The following BACH2 variants were observed in gnomAD, a reference collection of about 807,000 sequenced individuals.
BACH2 encodes the protein BACH transcriptional regulator 2, also known as transcription regulator protein BACH2.
A neutral mutation model predicts 61.8 loss-of-function variants in BACH2; 5 were observed. The observed-to-expected ratio is 0.08, with a 90% confidence interval of 0.04 to 0.17. BACH2 has a LOEUF of 0.17. Ranked by LOEUF, BACH2 falls within the 10% of genes least tolerant of loss-of-function variation. The pLI is 1.00. For missense variants in BACH2, 824 were observed against 1,091.1 expected (o/e 0.76, Z 3.45); for synonymous variants, 446 against 440.1 (o/e 1.01, Z -0.17).
rs183558229 is a variant in BACH2, at chr6:90,113,844, A to G, written c.-161-24735T>C. Among the ~76,000 whole-genome samples the G allele has an allele frequency of 1.4e-4, 21 of 152,278 alleles. No individual in the cohort carries two copies. In the East Asian group the frequency reaches 3.5e-3, roughly 25 times the overall value. ...TAGAAATGATGAAGAGAATGTTACT[A>G]CTGACCACACAGAAATAAAACAACC... On this transcript the variant is annotated intron_variant, in intron 4 of 8. Coordinates refer to ENST00000257749, the MANE Select transcript of BACH2 (RefSeq NM_021813.4).
intron 5 of BACH2, among the ~76,000 whole-genome samples, chr6:90,012,022 C>A (rs1777754229): frequency 6.7e-6 from 1 of 149,722 alleles, no homozygotes; most frequent in Non-Finnish European, 1.5e-5. Flanking sequence ...TCTCAAACTC[C>A]TGGCGTCAAG....
At chr6:90,262,088 G>T (rs930260874) in intron 2 of BACH2, among the ~76,000 whole-genome samples, 4 of 152,294 alleles carry the variant, frequency 2.6e-5, no homozygotes, top group East Asian at 3.9e-4. Flanking sequence ...ACTGACTACA[G>T]GATGAAGGCC....
intron 4 of BACH2, among the ~76,000 whole-genome samples, chr6:90,182,807 C>T (rs914830514): frequency 6.6e-6 from 1 of 152,196 alleles, no homozygotes; most frequent in Non-Finnish European, 1.5e-5. Flanking sequence ...AGCGGATCTT[C>T]ACTCTCGCCT....
intron 4 of BACH2, among the ~76,000 whole-genome samples, chr6:90,150,533 G>A (rs573452941): frequency 2.5e-4 from 38 of 152,242 alleles, no homozygotes; most frequent in Admixed American, 2.3e-3. Flanking sequence ...CATGGGATTC[G>A]ATGTGCTAGA....
At chr6:90,123,150 A>T (rs1279548498) in intron 4 of BACH2, among the ~76,000 whole-genome samples, 1 of 152,142 alleles carries the variant, frequency 6.6e-6, no homozygotes, top group Non-Finnish European at 1.5e-5. Context: ...GTAGGCCCTA[A>T]ATCCAAGGGG....
At chr6:90,137,936 T>C (rs762061983) in intron 4 of BACH2, among the ~76,000 whole-genome samples, 1 of 152,122 alleles carries the variant, frequency 6.6e-6, no homozygotes, top group Non-Finnish European at 1.5e-5. Flanking sequence ...GCAAGTGATT[T>C]CACCTCTTTG....
intron 3 of BACH2, among the ~76,000 whole-genome samples, chr6:90,237,300 T>G (rs533127075): frequency 6.6e-6 from 1 of 152,230 alleles, no homozygotes; most frequent in South Asian, 2.1e-4. Flanking sequence ...TCATCCCTCC[T>G]CAACAAACAA....
intron 3 of BACH2, among the ~76,000 whole-genome samples, chr6:90,212,218 T>C (rs1769378722): frequency 7.6e-6 from 1 of 131,156 alleles, no homozygotes; most frequent in South Asian, 2.6e-4. Context: ...GTCATTTTAT[T>C]ACAGAAAGCT....
intron 1 of BACH2, among the ~76,000 whole-genome samples, chr6:90,278,376 C>A (rs761937977): frequency 5.3e-5 from 8 of 152,264 alleles, no homozygotes; most frequent in Admixed American, 2.0e-4. Context: ...TCTGGTGGGA[C>A]ACCCTTCCAG....
intron 3 of BACH2, among the ~76,000 whole-genome samples, chr6:90,224,588 T>C (rs1229958292): frequency 6.6e-6 from 1 of 152,234 alleles, no homozygotes; most frequent in East Asian, 1.9e-4. Flanking sequence ...CTGGTGGTCC[T>C]AATGTGTTAA....
chr6:89,935,919 C>G (rs941630411), intron 8 of BACH2, among the ~76,000 whole-genome samples: 7 of 152,246 alleles, frequency 4.6e-5, no homozygotes, highest in African/African-American at 1.4e-4. Flanking sequence ...AAGACCCACA[C>G]TCACCAGCAG....
chr6:89,950,548 A>G lies in BACH2; in HGVS notation c.1558T>C (p.Ser520Pro). The change falls in exon 7 of 9, where the codon TCC becomes CCC. Residue 520 changes from serine (S) to proline (P), a missense_variant. By Grantham distance (74) the Ser-to-Pro change is moderately conservative. Coordinates refer to ENST00000257749, the MANE Select transcript of BACH2 (RefSeq NM_021813.4). The surrounding 1 kb of genome is among the most constrained non-coding windows in gnomAD (Gnocchi z 5.3). ...TAGGAATAGGAAGAGCAGGAGCTGG[A>G]AGTCCTGGTCCTGGTCTCCAAGGGG... ...SPPLETRTRTSSSCSSYSYAE... is the reference protein window; with the variant it reads ...SPPLETRTRTPSSCSSYSYAE... 6.2e-7 allele frequency: 1 copy of G among 1,611,478 alleles called. No individual in the cohort carries two copies. The highest frequency in any genetic ancestry group is 8.5e-7 in the Non-Finnish European group (1 of 1,178,182).
intron 4 of BACH2, among the ~76,000 whole-genome samples, chr6:90,158,115 T>A (rs1785056343): frequency 6.6e-6 from 1 of 151,710 alleles, no homozygotes; most frequent in Non-Finnish European, 1.5e-5. Context: ...AGTAGAAGGA[T>A]GGGGTATGGC....
In BACH2 at chr6:90,098,923, A is replaced by G. The variant is rs77136267; in HGVS notation, c.-161-9814T>C. 2.8e-4 allele frequency among the ~76,000 whole-genome samples: 43 copies of G among 152,336 alleles called. 1 individual carries two copies. Among genetic ancestry groups the G allele is most frequent in the African/African-American group, 9.9e-4 (41 of 41,576 alleles). ...GAACGTTCATTTCTCTTACTGGTCC[A>G]TGACATGCTGGCTCTACCCCAGTGT... is the stretch of plus-strand genomic sequence containing the variant. On this transcript the variant is annotated intron_variant, in intron 4 of 8. Coordinates refer to ENST00000257749, the MANE Select transcript of BACH2 (RefSeq NM_021813.4).
chr6:90,225,750 G>A (rs1244710509), intron 3 of BACH2, among the ~76,000 whole-genome samples: 1 of 152,182 alleles, frequency 6.6e-6, no homozygotes, highest in East Asian at 1.9e-4. Flanking sequence ...CATCCTGCAC[G>A]TGTATCCTGG....
At chr6:90,063,804 A>G in intron 5 of BACH2, among the ~76,000 whole-genome samples, 1 of 152,168 alleles carries the variant, frequency 6.6e-6, no homozygotes, top group Admixed American at 6.5e-5. Flanking sequence ...ATACCGATAG[A>G]TATCTGAACT....
intron 4 of BACH2, among the ~76,000 whole-genome samples, chr6:90,150,777 C>T (rs893435937): frequency 1.3e-5 from 2 of 152,268 alleles, no homozygotes; most frequent in Admixed American, 6.5e-5. Flanking sequence ...AGCACCCCCA[C>T]CATGCATGGT....
intron 2 of BACH2, among the ~76,000 whole-genome samples, chr6:90,257,113 C>G (rs1013546508): frequency 6.6e-6 from 1 of 152,162 alleles, no homozygotes; most frequent in East Asian, 1.9e-4. Flanking sequence ...CCACTTCTTT[C>G]TCTATTTGTC....
In BACH2 at chr6:90,296,505, T is replaced by C. The variant is rs1772398406; in HGVS notation, c.-471A>G. The C allele has an allele frequency of 6.6e-6, 1 of 151,290 alleles. No homozygotes were observed. The highest frequency in any genetic ancestry group is 2.4e-5 in the African/African-American group (1 of 41,290). The allele number at this position is 151,290 out of a possible 1,614,324, so 9.4% of individuals were successfully genotyped here. Reference sequence around the variant, plus strand: ...CTCGCCGGAGAACTTTGCGTCCTTTTCCGCCTCCTCTTCCCCGCGTCTTCC... The same window carrying C: ...CTCGCCGGAGAACTTTGCGTCCTTTCCCGCCTCCTCTTCCCCGCGTCTTCC... On this transcript the variant is annotated 5_prime_UTR_variant, in exon 1 of 9. Coordinates refer to ENST00000257749, the MANE Select transcript of BACH2 (RefSeq NM_021813.4).
Sources: allele counts gnomAD v4.1 joint callset (sites outside exome capture counted in the v4.1 genomes callset), GRCh38; gene constraint gnomAD v4.1.1; non-coding constraint Gnocchi (gnomAD v3.1); transcripts MANE v1.5; gene names NCBI Gene and HGNC (gene_info 2026-07-23, HGNC 2026-07-21).